The following PARD3B variants were observed in gnomAD, a reference collection of about 807,000 sequenced individuals.
PARD3B encodes par-3 family cell polarity regulator beta, also known as partitioning defective 3 homolog B.
In PARD3B, 103 loss-of-function variants were observed where a neutral mutation model predicts 130.2. That is an observed-to-expected ratio of 0.79 (90% CI 0.67 to 0.93). PARD3B has a LOEUF of 0.93. Ranked by LOEUF, PARD3B falls within the 40% of genes least tolerant of loss-of-function variation. PARD3B has a pLI of 0.00. For synonymous variants in PARD3B, 583 were observed against 553.2 expected, an observed-to-expected ratio of 1.05 and a Z score of -0.76; for missense variants, 1,609 against 1,499.2, an observed-to-expected ratio of 1.07 and a Z score of -1.21.
intron 2 of PARD3B, among the ~76,000 whole-genome samples, chr2:204,930,756 C>A (rs1420535188): frequency 6.6e-6 from 1 of 152,082 alleles, no homozygotes; most frequent in African/African-American, 2.4e-5. Flanking sequence ...TCTTCCAGTG[C>A]AAAACTATCT....
Position 205,301,611 on chromosome 2 carries a change from G to A in PARD3B, c.2540G>A (p.Gly847Asp). The A allele has an allele frequency of 6.2e-7, 1 of 1,613,542 alleles. No individual in the cohort carries two copies. The highest frequency in any genetic ancestry group is 8.5e-7 in the Non-Finnish European group (1 of 1,179,648). Residue 847 changes from glycine (G) to aspartate (D), a missense_variant, in exon 18 of 23, where the codon GGC becomes GAC. By Grantham distance (94) the Gly-to-Asp change is moderately conservative. Transcript: ENST00000406610. This position sits in a 1 kb window ranked among gnomAD's most constrained non-coding sequence, Gnocchi z 5.2. ...GAGAAGGAGAAGAAAAAGGAAAAGG[G>A]CAAATTGAAAGTCAAGGAGAAAAAG... Reference protein sequence around the residue: ...TKEKEKKKEKGKLKVKEKKRK... With the variant: ...TKEKEKKKEKDKLKVKEKKRK...
At chr2:205,151,628 G>A (rs1176895598) in intron 10 of PARD3B, among the ~76,000 whole-genome samples, 1 of 152,056 alleles carries the variant, frequency 6.6e-6, no homozygotes, top group Non-Finnish European at 1.5e-5. Context: ...CCATTTGCTT[G>A]GTAGATCTTC....
chr2:204,939,337 T>C (rs914431411), intron 2 of PARD3B, among the ~76,000 whole-genome samples: 39 of 152,346 alleles, frequency 2.6e-4, no homozygotes, highest in African/African-American at 9.4e-4. Flanking sequence ...TTTTTGTCTA[T>C]TAACCCAAAT....
Position 205,183,856 on chromosome 2 carries a change from G to C in PARD3B, c.1925-1908G>C, listed in dbSNP as rs1461465007. Among the ~76,000 whole-genome samples, 1 of 151,952 alleles carries C rather than the reference G, an allele frequency of 6.6e-6. No individual in the cohort carries two copies. The highest frequency in any genetic ancestry group is 1.5e-5 in the Non-Finnish European group (1 of 68,022). On this transcript the variant is annotated intron_variant, in intron 13 of 22. Coordinates refer to ENST00000406610, the MANE Select transcript of PARD3B (RefSeq NM_001302769.2). The surrounding 1 kb of genome is among the most constrained non-coding windows in gnomAD (Gnocchi z 5.2). ...GATCTGCAGGATGAGTCAGCAAGCTGGGGTTGCAGAAGAGTTGATGGTGCA... is the reference window on the plus strand; with the variant it reads ...GATCTGCAGGATGAGTCAGCAAGCTCGGGTTGCAGAAGAGTTGATGGTGCA...
chr2:204,693,244 A>G (rs2037437993), intron 2 of PARD3B, among the ~76,000 whole-genome samples: 1 of 152,034 alleles, frequency 6.6e-6, no homozygotes, highest in African/African-American at 2.4e-5. Flanking sequence ...TTCCACAGCT[A>G]CCAAATTTAT....
chr2:205,190,086 G>A (rs2036312334), intron 14 of PARD3B, among the ~76,000 whole-genome samples: 1 of 152,106 alleles, frequency 6.6e-6, no homozygotes, highest in African/African-American at 2.4e-5. Flanking sequence ...GCCAACATTT[G>A]TATAAAAGTT....
At chr2:205,490,219 C>T (rs533096210) in intron 20 of PARD3B, among the ~76,000 whole-genome samples, 3 of 152,160 alleles carry the variant, frequency 2.0e-5, no homozygotes, top group East Asian at 3.9e-4. Context: ...CCCGTTAACT[C>T]GTCATTTAAC....
At chr2:205,513,482 G>T (rs1161875322) in intron 21 of PARD3B, among the ~76,000 whole-genome samples, 3 of 152,036 alleles carry the variant, frequency 2.0e-5, no homozygotes, top group Non-Finnish European at 4.4e-5. Flanking sequence ...GAAAATTTGA[G>T]TACCTTCCCA....
At chr2:205,278,871 A>G (rs185959610) in intron 16 of PARD3B, among the ~76,000 whole-genome samples, 2 of 152,080 alleles carry the variant, frequency 1.3e-5, no homozygotes, top group Admixed American at 1.3e-4. Flanking sequence ...GGAGTTCGAG[A>G]CCAGGTTGAC....
At chr2:204,848,961 G>C (rs369924105) in intron 2 of PARD3B, among the ~76,000 whole-genome samples, 1 of 151,862 alleles carries the variant, frequency 6.6e-6, no homozygotes, top group African/African-American at 2.4e-5. Context: ...AATCTTTAAG[G>C]TCCTTTTTAA....
intron 1 of PARD3B, among the ~76,000 whole-genome samples, chr2:204,584,569 T>C (rs1202610625): frequency 6.6e-6 from 1 of 152,202 alleles, no homozygotes; most frequent in Non-Finnish European, 1.5e-5. Context: ...CAAACTTTGC[T>C]GCACAAAAGG....
intron 8 of PARD3B, 125 bp from the exon 9 acceptor site, chr2:205,124,202 G>T: frequency 1.2e-6 from 1 of 806,648 alleles, no homozygotes; most frequent in Non-Finnish European, 1.8e-6. Context: ...TATTTAAAAT[G>T]TCCCAGAATG....
chr2:205,392,639 C>T (rs920576973), intron 18 of PARD3B, among the ~76,000 whole-genome samples: 4 of 152,128 alleles, frequency 2.6e-5, no homozygotes, highest in African/African-American at 7.2e-5. Flanking sequence ...GTTTGTCGTT[C>T]GTTATTAAAG....
chr2:204,700,502 T>C (rs895865603), intron 2 of PARD3B, among the ~76,000 whole-genome samples: 2 of 152,140 alleles, frequency 1.3e-5, no homozygotes, highest in African/African-American at 2.4e-5. Flanking sequence ...TAGCTCTGGA[T>C]TGAATTTTTG....
At chr2:204,686,105 A>G (rs2037065360) in intron 1 of PARD3B, 76 bp from the exon 2 acceptor site, 1 of 982,542 alleles carries the variant, frequency 1.0e-6, no homozygotes, top group South Asian at 1.4e-5. Context: ...AAGTTAACTT[A>G]TGTCTCTTAA....
At chr2:204,759,132 C>A (rs150376836) in intron 2 of PARD3B, among the ~76,000 whole-genome samples, 1 of 152,212 alleles carries the variant, frequency 6.6e-6, no homozygotes, top group African/African-American at 2.4e-5. Context: ...CATAATAATT[C>A]TTCATGACTG....
chr2:204,802,557 C>T (rs921191718), intron 2 of PARD3B, among the ~76,000 whole-genome samples: 1 of 152,170 alleles, frequency 6.6e-6, no homozygotes, highest in African/African-American at 2.4e-5. Flanking sequence ...TCTATTGCAA[C>T]ACTATTCACA....
chr2:205,559,423 G>C (rs899873806), intron 22 of PARD3B, among the ~76,000 whole-genome samples: 2 of 151,996 alleles, frequency 1.3e-5, no homozygotes, highest in Non-Finnish European at 2.9e-5. Context: ...CGGGATTATA[G>C]GCATGAGCCA....
Position 205,366,481 on chromosome 2 carries a change from T to C in PARD3B, c.2631-34532T>C, listed in dbSNP as rs1480317512. On this transcript the variant is annotated intron_variant, in intron 18 of 22. Coordinates refer to ENST00000406610, the MANE Select transcript of PARD3B (RefSeq NM_001302769.2). This position sits in a 1 kb window ranked among gnomAD's most constrained non-coding sequence, Gnocchi z 5.0. ...GTCTTTTTCTGACGAGTTTAAAAGA[T>C]TCTGTAATTCACTGCATTTTACATG... Among the ~76,000 whole-genome samples the C allele has an allele frequency of 2.0e-5, 3 of 152,182 alleles. No homozygotes were observed. Among genetic ancestry groups the C allele is most frequent in the Non-Finnish European group, 4.4e-5 (3 of 68,034 alleles).
Sources: gnomAD v4.1 joint callset for allele counts (sites outside exome capture counted in the v4.1 genomes callset) on GRCh38, gnomAD v4.1.1 for gene constraint, Gnocchi (gnomAD v3.1) non-coding constraint, MANE v1.5 for transcripts, NCBI Gene and HGNC (gene_info 2026-07-23, HGNC 2026-07-21) for gene names.